Variants in RALGPS1 observed in about 807,000 individuals in gnomAD.
RALGPS1 encodes the protein ras-specific guanine nucleotide-releasing factor RalGPS1.
RALGPS1 carries 19 observed loss-of-function variants against 78.8 expected under a neutral mutation model. That is an observed-to-expected ratio of 0.24 (90% CI 0.17 to 0.35). The LOEUF is 0.35. RALGPS1 is among the 10% of genes least tolerant of loss of function. RALGPS1 has a pLI of 1.00. For synonymous variants in RALGPS1, 228 were observed against 256.3 expected (o/e 0.89, Z 1.06); for missense variants, 454 against 688.3 (o/e 0.66, Z 3.81).
chr9:127,221,339 G>A lies in RALGPS1; in HGVS notation c.*2570G>A, dbSNP rs898391466. ...TACAAATGTTCATAACGCCATTGAA[G>A]GGATTATTTCTTGCATGCATATGCT... On this transcript the variant is annotated 3_prime_UTR_variant, in exon 19 of 19. Coordinates refer to ENST00000259351, the MANE Select transcript of RALGPS1 (RefSeq NM_014636.3). 3 of 152,214 alleles carry A rather than the reference G, an allele frequency of 2.0e-5. No individual in the cohort carries two copies. Among genetic ancestry groups the A allele is most frequent in the Non-Finnish European group, 4.4e-5 (3 of 68,036 alleles). The allele number at this position is 152,214 out of a possible 1,614,324, so 9.4% of individuals were successfully genotyped here.
chr9:126,999,527 A>G (rs1032048410), intron 4 of RALGPS1, among the ~76,000 whole-genome samples: 2 of 152,142 alleles, frequency 1.3e-5, no homozygotes, highest in Admixed American at 1.3e-4. Flanking sequence ...TCTTTTCACT[A>G]TCTTCATAGT....
In RALGPS1 at chr9:126,992,846, C is replaced by A. The variant is rs1404111511; in HGVS notation, c.216+15101C>A. ...AATGACAGTCTTGTTTCTTTCTGAA[C>A]TGGATGCTATTGTTTCTTTTTCTTG... On this transcript the variant is annotated intron_variant, in intron 4 of 18. Transcript: ENST00000259351. 6.6e-5 allele frequency among the ~76,000 whole-genome samples: 10 copies of A among 152,292 alleles called. No homozygotes were observed. The East Asian group carries it at 1.3e-3, about 21-fold the overall frequency.
At chr9:127,215,676 C>T (rs2062538296) in intron 18 of RALGPS1, among the ~76,000 whole-genome samples, 1 of 152,154 alleles carries the variant, frequency 6.6e-6, no homozygotes, top group African/African-American at 2.4e-5. Context: ...ACCCCTGCAG[C>T]TGAGCAAAAG....
chr9:127,128,417 A>G (rs573494099), intron 8 of RALGPS1, among the ~76,000 whole-genome samples: 3 of 152,254 alleles, frequency 2.0e-5, no homozygotes, highest in South Asian at 4.1e-4. Flanking sequence ...TTTCTTTCCT[A>G]GTAGAATGTG....
At chr9:127,118,924 G>C (rs976831546) in intron 8 of RALGPS1, among the ~76,000 whole-genome samples, 2 of 152,324 alleles carry the variant, frequency 1.3e-5, no homozygotes, top group South Asian at 2.1e-4. Flanking sequence ...GAAATTGCTC[G>C]TGTGTGGCCC....
chr9:127,194,633 G>T (rs1036815296), intron 11 of RALGPS1, among the ~76,000 whole-genome samples: 1 of 152,050 alleles, frequency 6.6e-6, no homozygotes. Context: ...GGCTGGTTTC[G>T]AACACCTGAC....
chr9:127,184,977 G>A (rs184172481), intron 11 of RALGPS1, among the ~76,000 whole-genome samples: 2 of 152,338 alleles, frequency 1.3e-5, no homozygotes, highest in East Asian at 1.9e-4. Flanking sequence ...CCGTGGGAAC[G>A]AGGCTTCCCA....
At chr9:127,196,397 C>G in intron 12 of RALGPS1, 77 bp from the exon 13 acceptor site, 1 of 1,517,868 alleles carries the variant, frequency 6.6e-7, no homozygotes, top group Non-Finnish European at 8.9e-7. Context: ...ACCATCTGCT[C>G]CGGCCCCAGG....
chr9:127,065,245 C>G (rs986847844), intron 7 of RALGPS1, among the ~76,000 whole-genome samples: 2 of 152,194 alleles, frequency 1.3e-5, no homozygotes, highest in African/African-American at 2.4e-5. Flanking sequence ...TTCTGAGTAG[C>G]TGGGATTACA....
In RALGPS1 at chr9:127,183,469, G is replaced by T. The variant is rs1229893357; in HGVS notation, c.910+8687G>T. Among the ~76,000 whole-genome samples, 1 of 152,096 alleles carries T rather than the reference G, an allele frequency of 6.6e-6. No homozygotes were observed. The highest frequency in any genetic ancestry group is 1.5e-5 in the Non-Finnish European group (1 of 68,018). ...AGCTTTCCTCACATGGGCCACCTCGGTCCACAGGAGGCCGTACCTGTCCTC... is the reference window on the plus strand; with the variant it reads ...AGCTTTCCTCACATGGGCCACCTCGTTCCACAGGAGGCCGTACCTGTCCTC... On this transcript the variant is annotated intron_variant, in intron 11 of 18. Coordinates refer to ENST00000259351, the MANE Select transcript of RALGPS1 (RefSeq NM_014636.3). The surrounding 1 kb of genome is among the most constrained non-coding windows in gnomAD (Gnocchi z 4.0).
intron 8 of RALGPS1, among the ~76,000 whole-genome samples, chr9:127,163,950 A>G (rs1173779842): frequency 2.6e-5 from 4 of 152,310 alleles, no homozygotes; most frequent in Non-Finnish European, 4.4e-5. Flanking sequence ...TTTGATATGT[A>G]GTATTCTCCT....
At position 126,989,771 on chromosome 9, in the gene RALGPS1, A is replaced by T. The variant is rs541909278; in HGVS notation, c.216+12026A>T. ...AAAGGAGGCATTCTGCAGATAAAAT[A>T]CATATTCCTGTGGGACACTTACTCT... On this transcript the variant is annotated intron_variant, in intron 4 of 18. Coordinates refer to ENST00000259351, the MANE Select transcript of RALGPS1 (RefSeq NM_014636.3). The T allele has an allele frequency of 2.7e-4, 377 of 1,375,214 alleles. 1 individual carries two copies. The South Asian group carries it at 5.4e-3, about 20-fold the overall frequency. The allele number at this position is 1,375,214 out of a possible 1,614,324, so 85.2% of individuals were successfully genotyped here.
intron 5 of RALGPS1, among the ~76,000 whole-genome samples, chr9:127,046,751 G>A (rs1212851388): frequency 6.6e-6 from 1 of 151,506 alleles, no homozygotes; most frequent in Non-Finnish European, 1.5e-5. Context: ...GAGGTGGGAG[G>A]ATACTCAAGC....
At chr9:127,074,557 G>T (rs1325044643) in intron 8 of RALGPS1, among the ~76,000 whole-genome samples, 1 of 152,206 alleles carries the variant, frequency 6.6e-6, no homozygotes, top group South Asian at 2.1e-4. Context: ...TGCAGCCCAC[G>T]GGTTCCACTA....
intron 1 of RALGPS1, among the ~76,000 whole-genome samples, chr9:126,925,583 T>A (rs930825176): frequency 2.4e-4 from 36 of 151,690 alleles, no homozygotes; most frequent in Admixed American, 2.4e-3. Context: ...CAGTGCATAG[T>A]GTTGTGCACC....
intron 8 of RALGPS1, among the ~76,000 whole-genome samples, chr9:127,099,254 C>G (rs1017577677): frequency 6.6e-6 from 1 of 152,194 alleles, no homozygotes; most frequent in African/African-American, 2.4e-5. Context: ...TGGGAAGTTG[C>G]TCCTGTGAAT....
Position 127,108,378 on chromosome 9 carries a change from G to A in RALGPS1, c.610+39022G>A, listed in dbSNP as rs774915769. On this transcript the variant is annotated intron_variant, in intron 8 of 18. Coordinates refer to ENST00000259351, the MANE Select transcript of RALGPS1 (RefSeq NM_014636.3). ...TCTCCTTGCGCAGCAGCTTCACCTC[G>A]CTCACAATGCCGCCGTCCACCTCCA... is the stretch of plus-strand genomic sequence containing the variant. 20 of 1,609,664 alleles carry A rather than the reference G, an allele frequency of 1.2e-5. 1 individual carries two copies. The highest frequency in any genetic ancestry group is 1.7e-4 in the Middle Eastern group (1 of 6,054).
intron 2 of RALGPS1, among the ~76,000 whole-genome samples, chr9:126,962,559 A>G (rs1161562382): frequency 6.6e-6 from 1 of 152,248 alleles, no homozygotes; most frequent in African/African-American, 2.4e-5. Context: ...TCTTCAAAGA[A>G]AAACAAATAC....
chr9:127,046,956 CTG>C (rs894387068), intron 5 of RALGPS1, among the ~76,000 whole-genome samples: 23 of 151,182 alleles, frequency 1.5e-4, no homozygotes, highest in African/African-American at 4.9e-4. Flanking sequence ...GAAATTGAAA[CTG>C]TGAAATACCA....
Sources: allele counts gnomAD v4.1 joint callset (sites outside exome capture counted in the v4.1 genomes callset), GRCh38; gene constraint gnomAD v4.1.1; non-coding constraint Gnocchi (gnomAD v3.1); transcripts MANE v1.5; gene names NCBI Gene and HGNC (gene_info 2026-07-23, HGNC 2026-07-21).